Variants in SUGCT observed in about 807,000 individuals in gnomAD.
SUGCT encodes succinyl-CoA:glutarate-CoA transferase.
SUGCT carries 41 observed loss-of-function variants against 55.0 expected under a neutral mutation model. The ratio of observed to expected loss-of-function variants is 0.74; its 90% CI spans 0.58 to 0.97. The LOEUF (loss-of-function observed/expected upper bound fraction) is 0.97. SUGCT is among the 50% of genes least tolerant of loss of function. The pLI is 0.00. For missense variants in SUGCT, 568 were observed against 547.8 expected (o/e 1.04, Z -0.37); for synonymous variants, 187 against 200.4 (o/e 0.93, Z 0.56).
intron 13 of SUGCT, among the ~76,000 whole-genome samples, chr7:40,772,551 TA>T (rs1789197577): frequency 2.7e-5 from 4 of 148,498 alleles, no homozygotes; most frequent in African/African-American, 7.5e-5. Flanking sequence ...TCTATCTATC[TA>T]TCTATCTATC....
At chr7:40,513,488 A>AT (rs1324801864) in intron 12 of SUGCT, among the ~76,000 whole-genome samples, 2 of 152,148 alleles carry the variant, frequency 1.3e-5, no homozygotes, top group African/African-American at 4.8e-5. Flanking sequence ...CTGTGATAAG[A>AT]TTCAGTTCCT....
intron 9 of SUGCT, among the ~76,000 whole-genome samples, chr7:40,355,550 A>T (rs1470783617): frequency 2.0e-5 from 3 of 152,316 alleles, no homozygotes; most frequent in African/African-American, 7.2e-5. Flanking sequence ...TAGGCTTTGC[A>T]GGCCAAGAGG....
intron 1 of SUGCT, among the ~76,000 whole-genome samples, chr7:40,146,345 A>G (rs1364290239): frequency 6.6e-6 from 1 of 152,198 alleles, no homozygotes; most frequent in Non-Finnish European, 1.5e-5. Context: ...ACAACTGCTG[A>G]GACCAACTCA....
At chr7:40,362,163 A>T (rs1798187652) in intron 9 of SUGCT, among the ~76,000 whole-genome samples, 1 of 152,170 alleles carries the variant, frequency 6.6e-6, no homozygotes, top group African/African-American at 2.4e-5. Flanking sequence ...TATCGCCTGT[A>T]ATCCCAGCAC....
intron 12 of SUGCT, among the ~76,000 whole-genome samples, chr7:40,693,324 C>T (rs1784778095): frequency 6.6e-6 from 1 of 152,164 alleles, no homozygotes. Flanking sequence ...ATGGATGGTA[C>T]TTAACTCACA....
At chr7:41,007,667 G>A in the SUGCT span, among the ~76,000 whole-genome samples, 1 of 151,962 alleles carries the variant, frequency 6.6e-6, no homozygotes, top group Non-Finnish European at 1.5e-5. Flanking sequence ...TAATCAATGA[G>A]TGAAACTACA....
At chr7:40,513,691 A>G (rs1478292175) in intron 12 of SUGCT, among the ~76,000 whole-genome samples, 1 of 152,050 alleles carries the variant, frequency 6.6e-6, no homozygotes, top group Non-Finnish European at 1.5e-5. Flanking sequence ...CTTCGTCCTG[A>G]AGATATTTAT....
chr7:40,727,264 A>C (rs1044551423), intron 12 of SUGCT, among the ~76,000 whole-genome samples: 1 of 152,184 alleles, frequency 6.6e-6, no homozygotes, highest in African/African-American at 2.4e-5. Context: ...GTTATTCTTC[A>C]GCTTATCCAA....
intron 13 of SUGCT, among the ~76,000 whole-genome samples, chr7:40,752,182 T>G (rs1788047895): frequency 6.6e-6 from 1 of 152,050 alleles, no homozygotes; most frequent in Non-Finnish European, 1.5e-5. Context: ...CTGGCCAGGT[T>G]TAGCTCCTGC....
intron 12 of SUGCT, among the ~76,000 whole-genome samples, chr7:40,719,613 A>G (rs1047675047): frequency 6.6e-6 from 1 of 152,206 alleles, no homozygotes; most frequent in African/African-American, 2.4e-5. Context: ...CAACAGAAAA[A>G]TGGAAAGCAG....
chr7:40,727,348 G>A (rs569265574), intron 12 of SUGCT, among the ~76,000 whole-genome samples: 14 of 152,282 alleles, frequency 9.2e-5, no homozygotes, highest in African/African-American at 3.4e-4. Flanking sequence ...TAAAGCTGTA[G>A]CATTTTGGAA....
intron 1 of SUGCT, among the ~76,000 whole-genome samples, chr7:40,140,534 A>G (rs150469999): frequency 0.048 from 7,332 of 152,138 alleles, 244 homozygotes; most frequent in Middle Eastern, 0.089. Context: ...CTGAGTAGCT[A>G]GGATTACAGG....
chr7:40,625,177 A>C (rs887931043), intron 12 of SUGCT, among the ~76,000 whole-genome samples: 8 of 151,886 alleles, frequency 5.3e-5, no homozygotes, highest in Non-Finnish European at 1.2e-4. Context: ...CGAACTCTTG[A>C]CCTGACTGCA....
At chr7:40,507,334 G>T (rs117985614) in intron 12 of SUGCT, among the ~76,000 whole-genome samples, 1 of 152,130 alleles carries the variant, frequency 6.6e-6, no homozygotes, top group Non-Finnish European at 1.5e-5. Flanking sequence ...CCACCTTGGG[G>T]TAGGAGATTT....
At chr7:40,762,446 T>A (rs2128721543) in intron 13 of SUGCT, among the ~76,000 whole-genome samples, 1 of 152,306 alleles carries the variant, frequency 6.6e-6, no homozygotes, top group African/African-American at 2.4e-5. Context: ...AATACCCAAT[T>A]AATTGCCTAA....
chr7:40,528,441 C>T (rs1793917119), intron 12 of SUGCT, among the ~76,000 whole-genome samples: 1 of 152,148 alleles, frequency 6.6e-6, no homozygotes, highest in African/African-American at 2.4e-5. Flanking sequence ...TACACTTCTA[C>T]TATTAGAAAT....
At chr7:40,528,932 C>CT (rs1435277161) in intron 12 of SUGCT, among the ~76,000 whole-genome samples, 1 of 152,140 alleles carries the variant, frequency 6.6e-6, no homozygotes. Flanking sequence ...AAAAGCCATG[C>CT]TTTTTTGAGG....
chr7:40,565,993 G>T (rs10248643), intron 12 of SUGCT, among the ~76,000 whole-genome samples: 66 of 124,000 alleles, frequency 5.3e-4, no homozygotes, highest in African/African-American at 2.4e-3. Context: ...ACACACACAC[G>T]CACACACACA....
intron 12 of SUGCT, among the ~76,000 whole-genome samples, chr7:40,542,760 T>C (rs982144171): frequency 2.0e-5 from 3 of 152,186 alleles, no homozygotes; most frequent in African/African-American, 7.2e-5. Context: ...AGGGGCAGAA[T>C]GGGCCTTTCG....
Sources: allele counts gnomAD v4.1 joint callset (sites outside exome capture counted in the v4.1 genomes callset), GRCh38; gene constraint gnomAD v4.1.1; transcripts MANE v1.5; gene names NCBI Gene and HGNC (gene_info 2026-07-23, HGNC 2026-07-21).